Variants in CPAP observed in about 807,000 individuals in gnomAD.
The protein encoded by CPAP is centrosomal P4.1-associated protein.
chr13:24,896,925 G>C, the CPAP span, among the ~76,000 whole-genome samples: 1 of 152,084 alleles, frequency 6.6e-6, no homozygotes, highest in Non-Finnish European at 1.5e-5. Flanking sequence ...TATAACTACT[G>C]GTTCAAGTAT....
chr13:24,908,571 T>G, the CPAP span, among the ~76,000 whole-genome samples: 1 of 150,510 alleles, frequency 6.6e-6, no homozygotes, highest in African/African-American at 2.5e-5. Flanking sequence ...CCAACCTAAG[T>G]GACAGAGGAA....
chr13:24,896,871 C>T, the CPAP span, among the ~76,000 whole-genome samples: 1 of 152,122 alleles, frequency 6.6e-6, no homozygotes, highest in African/African-American at 2.4e-5. Context: ...GTATTTTAGG[C>T]TATGGTTTTT....
the CPAP span, among the ~76,000 whole-genome samples, chr13:24,903,413 A>AGGGAAG: frequency 6.6e-6 from 1 of 152,300 alleles, no homozygotes; most frequent in African/African-American, 2.4e-5. Context: ...ACACACACAG[A>AGGGAAG]GGGAAGATGG....
the CPAP span, chr13:24,911,949 G>A: frequency 6.2e-7 from 1 of 1,614,024 alleles, no homozygotes; most frequent in East Asian, 2.2e-5. Flanking sequence ...AGCATACCTG[G>A]AAGTGTGCAC....
At chr13:24,897,995 A>C in the CPAP span, among the ~76,000 whole-genome samples, 1 of 152,202 alleles carries the variant, frequency 6.6e-6, no homozygotes, top group Non-Finnish European at 1.5e-5. Flanking sequence ...TCCCGGGTTC[A>C]AGTGGTTCTC....
At chr13:24,918,880 A>G in the CPAP span, among the ~76,000 whole-genome samples, 12 of 152,272 alleles carry the variant, frequency 7.9e-5, no homozygotes, top group South Asian at 4.1e-4. Flanking sequence ...GCGAACCCAC[A>G]AAGTTGAAAC....
the CPAP span, among the ~76,000 whole-genome samples, chr13:24,927,296 G>C: frequency 3.3e-5 from 5 of 152,108 alleles, no homozygotes; most frequent in African/African-American, 9.7e-5. Flanking sequence ...AATTTGGGTA[G>C]AACGGTGACC....
At chr13:24,906,289 T>C in the CPAP span, 6 of 1,601,600 alleles carry the variant, frequency 3.7e-6, no homozygotes, top group African/African-American at 2.7e-5. Context: ...CATCAGCAGC[T>C]TGTTCTAAAA....
At chr13:24,888,960 T>C in the CPAP span, among the ~76,000 whole-genome samples, 9 of 152,202 alleles carry the variant, frequency 5.9e-5, no homozygotes, top group African/African-American at 2.2e-4. Context: ...TTTTGGAATA[T>C]TTGCAAATAC....
chr13:24,906,172 T>C, the CPAP span: 2 of 1,613,806 alleles, frequency 1.2e-6, no homozygotes, highest in Non-Finnish European at 8.5e-7. Flanking sequence ...TTGTCTTCTG[T>C]GGCACAGCTT....
At chr13:24,906,736 G>GT in the CPAP span, 1 of 1,614,166 alleles carries the variant, frequency 6.2e-7, no homozygotes. Context: ...GGATAGGGTT[G>GT]TCTGCACACA....
At chr13:24,931,306 C>CTTTTTTTTTTTTTTTTTTT in the CPAP span, among the ~76,000 whole-genome samples, 75 of 72,602 alleles carry the variant, frequency 1.0e-3, 7 homozygotes, top group East Asian at 2.3e-3. Context: ...TTTCATGTTT[C>CTTTTTTTTTTTTTTTTTTT]TTTTTTTTTT....
At chr13:24,903,368 A>G in the CPAP span, among the ~76,000 whole-genome samples, 11 of 152,240 alleles carry the variant, frequency 7.2e-5, no homozygotes, top group African/African-American at 2.7e-4. Flanking sequence ...AGAGGCACCA[A>G]GACAAACACA....
the CPAP span, among the ~76,000 whole-genome samples, chr13:24,910,412 A>G: frequency 6.6e-6 from 1 of 152,174 alleles, no homozygotes; most frequent in East Asian, 1.9e-4. Flanking sequence ...TTTAGAACAG[A>G]TAGGGTTTCA....
the CPAP span, among the ~76,000 whole-genome samples, chr13:24,927,366 G>A: frequency 1.2e-4 from 18 of 152,104 alleles, no homozygotes; most frequent in Non-Finnish European, 7.4e-5. Flanking sequence ...TTAAAAGCCA[G>A]CCATATAGAA....
At chr13:24,903,322 G>C in the CPAP span, among the ~76,000 whole-genome samples, 1 of 152,144 alleles carries the variant, frequency 6.6e-6, no homozygotes, top group Non-Finnish European at 1.5e-5. Flanking sequence ...ACTGGAGTAG[G>C]GTGGGCCCTT....
At chr13:24,907,787 T>C in the CPAP span, among the ~76,000 whole-genome samples, 1 of 152,350 alleles carries the variant, frequency 6.6e-6, no homozygotes, top group Admixed American at 6.5e-5. Context: ...TTTATCCAGA[T>C]GTTTCTCTTA....
the CPAP span, among the ~76,000 whole-genome samples, chr13:24,903,170 T>C: frequency 6.6e-6 from 1 of 152,234 alleles, no homozygotes; most frequent in African/African-American, 2.4e-5. Flanking sequence ...GGTAAGATCA[T>C]GACCTAGGGT....
the CPAP span, among the ~76,000 whole-genome samples, chr13:24,914,482 C>T: frequency 6.6e-6 from 1 of 152,220 alleles, no homozygotes; most frequent in South Asian, 2.1e-4. Flanking sequence ...AACAGTCCAT[C>T]ATCAGCAAAA....
Sources: gnomAD v4.1 joint callset for allele counts (sites outside exome capture counted in the v4.1 genomes callset) on GRCh38, gnomAD v4.1.1 for gene constraint, MANE v1.5 for transcripts, NCBI Gene and HGNC (gene_info 2026-07-23, HGNC 2026-07-21) for gene names.